The following SHISA6 variants were observed in gnomAD, a reference collection of about 807,000 sequenced individuals.
The protein encoded by SHISA6 is protein shisa-6.
In SHISA6, 22 loss-of-function variants were observed where a neutral mutation model predicts 47.9. The ratio of observed to expected loss-of-function variants is 0.46; its 90% confidence interval spans 0.33 to 0.66. SHISA6 has a LOEUF of 0.66. Among genes scored for constraint, SHISA6 ranks in the 30% least tolerant of loss-of-function variants. The pLI is 0.02. For missense variants in SHISA6, 680 were observed against 764.6 expected (o/e 0.89, Z 1.30); for synonymous variants, 388 against 337.8 (o/e 1.15, Z -1.63).
At chr17:11,249,578 G>T (rs1355311957) in intron 1 of SHISA6, among the ~76,000 whole-genome samples, 1 of 152,158 alleles carries the variant, frequency 6.6e-6, no homozygotes, top group Non-Finnish European at 1.5e-5. Flanking sequence ...GAACCTGGTT[G>T]TACATACCTT....
chr17:11,375,077 T>G (rs905154108), intron 2 of SHISA6, among the ~76,000 whole-genome samples: 3 of 152,176 alleles, frequency 2.0e-5, no homozygotes, highest in African/African-American at 7.2e-5. Context: ...TTGAGTGTTC[T>G]CCTTTATTTT....
chr17:11,267,540 C>T (rs1429596978), intron 2 of SHISA6, among the ~76,000 whole-genome samples: 1 of 152,132 alleles, frequency 6.6e-6, no homozygotes, highest in African/African-American at 2.4e-5. Flanking sequence ...TAGGACCTGG[C>T]ATTGATATTA....
intron 4 of SHISA6, among the ~76,000 whole-genome samples, chr17:11,552,764 A>G (rs1482161548): frequency 6.6e-6 from 1 of 152,220 alleles, no homozygotes; most frequent in Non-Finnish European, 1.5e-5. Context: ...TATAATTAGG[A>G]GGAAGAGATT....
At chr17:11,438,938 A>G (rs1915020662) in intron 3 of SHISA6, among the ~76,000 whole-genome samples, 1 of 152,106 alleles carries the variant, frequency 6.6e-6, no homozygotes, top group Non-Finnish European at 1.5e-5. Flanking sequence ...GAGACTGGTA[A>G]GGGAATAGGG....
chr17:11,274,698 T>C (rs1908812278), intron 2 of SHISA6, among the ~76,000 whole-genome samples: 1 of 152,200 alleles, frequency 6.6e-6, no homozygotes, highest in Non-Finnish European at 1.5e-5. Context: ...AACACTTCGT[T>C]AGGGCCTACA....
intron 3 of SHISA6, among the ~76,000 whole-genome samples, chr17:11,446,897 T>C (rs1303800502): frequency 2.0e-5 from 3 of 152,180 alleles, no homozygotes; most frequent in Non-Finnish European, 2.9e-5. Context: ...GCCAGCAAGA[T>C]AGGGCTTATG....
intron 3 of SHISA6, among the ~76,000 whole-genome samples, chr17:11,391,181 G>A (rs1328711718): frequency 6.6e-6 from 1 of 151,980 alleles, no homozygotes; most frequent in African/African-American, 2.4e-5. Context: ...GTAGAGGGTA[G>A]AGCAGAAAAG....
At chr17:11,329,859 G>A (rs1022352345) in intron 2 of SHISA6, among the ~76,000 whole-genome samples, 5 of 151,992 alleles carry the variant, frequency 3.3e-5, no homozygotes, top group African/African-American at 9.7e-5. Flanking sequence ...GTGTTCAAGC[G>A]CACCTGGATC....
At chr17:11,253,026 G>A (rs912244038) in intron 1 of SHISA6, among the ~76,000 whole-genome samples, 6 of 152,120 alleles carry the variant, frequency 3.9e-5, no homozygotes, top group Admixed American at 1.3e-4. Flanking sequence ...AAGCATTCGC[G>A]AAGAAGAATA....
At chr17:11,485,648 G>A (rs1916328879) in intron 3 of SHISA6, among the ~76,000 whole-genome samples, 1 of 150,596 alleles carries the variant, frequency 6.6e-6, no homozygotes, top group Non-Finnish European at 1.5e-5. Flanking sequence ...TTACAATCAC[G>A]ACCTACGAGA....
chr17:11,530,189 G>A (rs1028298129), intron 3 of SHISA6, among the ~76,000 whole-genome samples: 1 of 152,100 alleles, frequency 6.6e-6, no homozygotes, highest in African/African-American at 2.4e-5. Flanking sequence ...ACTAAGTTCT[G>A]CCTGTTACGA....
At chr17:11,261,788 G>A (rs1908241555) in intron 1 of SHISA6, among the ~76,000 whole-genome samples, 2 of 152,156 alleles carry the variant, frequency 1.3e-5, no homozygotes, top group African/African-American at 4.8e-5. Context: ...CAAGTTTAAT[G>A]CAACATATAT....
chr17:11,336,884 G>A lies in SHISA6; in HGVS notation c.800-42530G>A, dbSNP rs116735443. 6.1e-3 allele frequency among the ~76,000 whole-genome samples: 932 copies of A among 152,288 alleles called. 9 individuals are homozygous for A. The highest frequency in any genetic ancestry group is 0.021 in the African/African-American group (887 of 41,570). On this transcript the variant is annotated intron_variant, in intron 2 of 5. Transcript: ENST00000441885. The stretch of plus-strand genomic sequence containing the variant: ...CTGTGTGGGAGCTGCCCCAGCGTCC[G>A]AAAACTCCCTCCAGGGCAGGCAGCA...
intron 2 of SHISA6, among the ~76,000 whole-genome samples, chr17:11,273,209 C>A (rs1567556824): frequency 1.3e-5 from 2 of 152,204 alleles, no homozygotes; most frequent in Non-Finnish European, 2.9e-5. Flanking sequence ...GGAGGGGGTG[C>A]TGACTGATCT....
intron 3 of SHISA6, among the ~76,000 whole-genome samples, chr17:11,500,467 A>G (rs1300318569): frequency 6.6e-6 from 1 of 152,176 alleles, no homozygotes; most frequent in African/African-American, 2.4e-5. Flanking sequence ...ATACTGGTCA[A>G]CTTCTCAATT....
chr17:11,337,315 C>T (rs946515729), intron 2 of SHISA6, among the ~76,000 whole-genome samples: 5 of 152,096 alleles, frequency 3.3e-5, no homozygotes, highest in African/African-American at 9.7e-5. Context: ...CACAGAAGAC[C>T]CTCTGCAGTA....
intron 2 of SHISA6, among the ~76,000 whole-genome samples, chr17:11,333,260 A>G (rs1051428999): frequency 1.3e-5 from 2 of 152,170 alleles, no homozygotes; most frequent in African/African-American, 4.8e-5. Context: ...ACTATAAGAA[A>G]TAGACTTTTG....
intron 3 of SHISA6, among the ~76,000 whole-genome samples, chr17:11,486,209 C>G (rs1916344735): frequency 1.3e-5 from 2 of 152,174 alleles, no homozygotes; most frequent in Admixed American, 1.3e-4. Flanking sequence ...GCTGTGTGCT[C>G]TGGAATTCTG....
chr17:11,468,498 G>T (rs1364652966), intron 3 of SHISA6, among the ~76,000 whole-genome samples: 1 of 151,960 alleles, frequency 6.6e-6, no homozygotes, highest in African/African-American at 2.4e-5. Flanking sequence ...CTGGAGGCTG[G>T]TTTTCATCTG....
Sources: gnomAD v4.1 joint callset for allele counts (sites outside exome capture counted in the v4.1 genomes callset) on GRCh38, gnomAD v4.1.1 for gene constraint, MANE v1.5 for transcripts, NCBI Gene and HGNC (gene_info 2026-07-23, HGNC 2026-07-21) for gene names.